The following DIXDC1 variants were observed in gnomAD, a reference collection of about 807,000 sequenced individuals.
DIXDC1 encodes dixin.
DIXDC1 carries 64 observed loss-of-function variants against 103.1 expected under a neutral mutation model. The observed-to-expected ratio is 0.62, with a 90% CI of 0.51 to 0.76. The LOEUF (loss-of-function observed/expected upper bound fraction) is 0.76, where lower values mean the gene tolerates loss of function less well. Among genes scored for constraint, DIXDC1 ranks in the 30% least tolerant of loss-of-function variants. The pLI is 0.00. For synonymous variants in DIXDC1, 266 were observed against 298.5 expected, an observed-to-expected ratio of 0.89 and a Z score of 1.12; for missense variants, 759 against 834.2, an observed-to-expected ratio of 0.91 and a Z score of 1.11.
chr11:111,932,880 C>T (rs1966076104), upstream of DIXDC1, among the ~76,000 whole-genome samples: 1 of 152,128 alleles, frequency 6.6e-6, no homozygotes, highest in African/African-American at 2.4e-5. Flanking sequence ...GTGTAACTGT[C>T]AGTTATTCAA....
At chr11:111,986,088 G>A (rs1860479757) in intron 8 of DIXDC1, among the ~76,000 whole-genome samples, 1 of 152,096 alleles carries the variant, frequency 6.6e-6, no homozygotes, top group African/African-American at 2.4e-5. Context: ...TGAAAATCAA[G>A]CCTCCATCCA....
chr11:112,011,093 A>C (rs775274628), intron 17 of DIXDC1, among the ~76,000 whole-genome samples: 27 of 152,230 alleles, frequency 1.8e-4, no homozygotes, highest in Non-Finnish European at 3.5e-4. Context: ...AAAGAACTTA[A>C]ACAAATTTAC....
chr11:111,998,636 A>G lies in DIXDC1; in HGVS notation c.1756+2490A>G, dbSNP rs1187944938. ...TCGACTCACTGCAAGCTCTGCCTCCAGGGTTCAAGTGATTCTCCTGCCTCA... is the reference window on the plus strand; with the variant it reads ...TCGACTCACTGCAAGCTCTGCCTCCGGGGTTCAAGTGATTCTCCTGCCTCA... On this transcript the variant is annotated intron_variant, in intron 17 of 19. Transcript: ENST00000440460. The surrounding 1 kb of genome is among the most constrained non-coding windows in gnomAD (Gnocchi z 4.1). Among the ~76,000 whole-genome samples the G allele has an allele frequency of 6.6e-6, 1 of 151,956 alleles. No individual in the cohort carries two copies. Among genetic ancestry groups the G allele is most frequent in the Non-Finnish European group, 1.5e-5 (1 of 67,986 alleles).
chr11:111,995,432 T>A lies in DIXDC1; in HGVS notation c.1557T>A (p.Ala519=). 1.2e-6 allele frequency: 2 copies of A among 1,613,326 alleles called. No individual in the cohort carries two copies. The highest frequency in any genetic ancestry group is 1.3e-5 in the African/African-American group (1 of 75,028). The change falls in exon 16 of 20, where the codon GCT becomes GCA. Residue 519 remains alanine (A), a synonymous_variant. Coordinates refer to ENST00000440460, the MANE Select transcript of DIXDC1 (RefSeq NM_001037954.4). The stretch of plus-strand genomic sequence containing the variant: ...GCGACCTGCAGCTTGTTCGAGATGC[T>A]CTCCGCAGCCTGCGCAACAGCTTCA... The part of the protein sequence containing the change: ...GTSDLQLVRD[A]LRSLRNSFSG...
intron 5 of DIXDC1, 111 bp from the exon 6 acceptor site, chr11:111,980,626 A>C: frequency 1.4e-6 from 1 of 740,614 alleles, no homozygotes; most frequent in Non-Finnish European, 2.2e-6. Flanking sequence ...TTACCCATGG[A>C]GGAGTAAGAT....
chr11:111,938,520 T>C (rs1555168489), intron 1 of DIXDC1, among the ~76,000 whole-genome samples: 1 of 152,214 alleles, frequency 6.6e-6, no homozygotes, highest in Non-Finnish European at 1.5e-5. Flanking sequence ...TTACTCAACA[T>C]ATGAATACAT....
At chr11:111,963,989 A>C (rs782331870) in intron 1 of DIXDC1, among the ~76,000 whole-genome samples, 1 of 152,238 alleles carries the variant, frequency 6.6e-6, no homozygotes, top group African/African-American at 2.4e-5. Flanking sequence ...GCTCAGGAGA[A>C]TAAATCTTGG....
chr11:111,933,470 C>A (rs376384798), upstream of DIXDC1, among the ~76,000 whole-genome samples: 89 of 152,210 alleles, frequency 5.8e-4, 1 homozygote, highest in African/African-American at 2.1e-3. Context: ...CTCACTCTTG[C>A]CCAGGCTGAA....
chr11:111,982,546 A>G (rs1860347572), intron 7 of DIXDC1, 59 bp downstream of exon 7: 1 of 1,551,958 alleles, frequency 6.4e-7, no homozygotes, highest in African/African-American at 1.4e-5. Flanking sequence ...AGTCAGTATT[A>G]TCAATGGAAA....
At chr11:112,011,703 A>C (rs587760847) in intron 17 of DIXDC1, among the ~76,000 whole-genome samples, 8 of 152,148 alleles carry the variant, frequency 5.3e-5, no homozygotes, top group Non-Finnish European at 1.0e-4. Context: ...TATCACAAGG[A>C]CCAAAAACCA....
rs1861647333 is a variant in DIXDC1, at chr11:112,017,945, C to G, written c.1971+60C>G. On this transcript the variant is annotated intron_variant, in intron 19 of 19. Coordinates refer to ENST00000440460, the MANE Select transcript of DIXDC1 (RefSeq NM_001037954.4). This position sits in a 1 kb window ranked among gnomAD's most constrained non-coding sequence, Gnocchi z 4.0. ...TGGTCCTTTCTGAACCCTGAAGCCT[C>G]CTGTTCAAGCACTAGTGTCCAGAAG... 1 of 1,361,238 alleles carries G rather than the reference C, an allele frequency of 7.3e-7. No individual in the cohort carries two copies. Among genetic ancestry groups the G allele is most frequent in the East Asian group, 2.5e-5 (1 of 39,480 alleles). The allele number at this position is 1,361,238 out of a possible 1,614,324, so 84.3% of individuals were successfully genotyped here. A position where few individuals can be genotyped will look rare whatever the true frequency, so the allele number is the denominator to read the frequency against.
chr11:111,993,711 G>T lies in DIXDC1; in HGVS notation c.1408G>T (p.Ala470Ser), dbSNP rs1309471109. 1.2e-6 allele frequency: 2 copies of T among 1,613,986 alleles called. No individual in the cohort carries two copies. Among genetic ancestry groups the T allele is most frequent in the Non-Finnish European group, 1.7e-6 (2 of 1,179,878 alleles). Residue 470 changes from alanine (A) to serine (S), a missense_variant, in exon 14 of 20, where the codon GCT becomes TCT. Ala to Ser is a moderately conservative substitution (Grantham distance 99, BLOSUM62 1). Coordinates refer to ENST00000440460, the MANE Select transcript of DIXDC1 (RefSeq NM_001037954.4). ...GCTAGAACACAAAGATGTCCTCTTG[G>T]CTCACTGTATGAAAAGAGAGGCAGA... The part of the protein sequence containing the change: ...RELEHKDVLL[A>S]HCMKREADEA...
At chr11:111,990,860 C>T (rs1159414339) in intron 10 of DIXDC1, among the ~76,000 whole-genome samples, 2 of 152,088 alleles carry the variant, frequency 1.3e-5, no homozygotes, top group African/African-American at 4.8e-5. Context: ...GCGTGTGCCA[C>T]CATGCCCAGC....
rs1389522195 is a variant in DIXDC1, at chr11:111,980,864, C to A, written c.769+15C>A. 3 of 1,604,372 alleles carry A rather than the reference C, an allele frequency of 1.9e-6. No homozygotes were observed. The highest frequency in any genetic ancestry group is 2.6e-6 in the Non-Finnish European group (3 of 1,171,796). On this transcript the variant is annotated intron_variant, in intron 6 of 19. Coordinates refer to ENST00000440460, the MANE Select transcript of DIXDC1 (RefSeq NM_001037954.4). ...GAACAGAACAGGTACTATCTCTACG[C>A]CTGCCTGGGCTGGTTCAAGGAACAG...
chr11:112,019,163 A>C lies in DIXDC1; in HGVS notation c.*127A>C. Reference sequence around the variant, plus strand: ...TGTGTGCCAAAACAGAAGCTTCTCCAAGCATGATGGCCACAGGTCAGTCCT... The same window carrying C: ...TGTGTGCCAAAACAGAAGCTTCTCCCAGCATGATGGCCACAGGTCAGTCCT... On this transcript the variant is annotated 3_prime_UTR_variant, in exon 20 of 20. Transcript: ENST00000440460. 1.4e-6 allele frequency: 1 copy of C among 714,838 alleles called. No individual in the cohort carries two copies. 44.3% of individuals were successfully genotyped at this position (714,838 alleles called of 1,614,324 possible). A position where few individuals can be genotyped will look rare whatever the true frequency, so the allele number is the denominator to read the frequency against.
intron 12 of DIXDC1, 68 bp downstream of exon 12, chr11:111,993,072 C>A: frequency 1.4e-6 from 2 of 1,479,166 alleles, no homozygotes; most frequent in South Asian, 1.3e-5. Flanking sequence ...TATTGTTGCT[C>A]AAAAAGCACT....
upstream of DIXDC1, chr11:111,937,130 G>GGA: frequency 3.0e-6 from 2 of 677,344 alleles, no homozygotes; most frequent in East Asian, 1.4e-4. Context: ...TGCGGCCCGG[G>GGA]CGGGGGGGGG....
At chr11:111,961,095 C>A (rs587760798) in intron 1 of DIXDC1, among the ~76,000 whole-genome samples, 1 of 152,316 alleles carries the variant, frequency 6.6e-6, no homozygotes, top group South Asian at 2.1e-4. Context: ...GATATAGGCT[C>A]TGATTCAGTA....
chr11:112,003,370 C>T (rs587610042), intron 17 of DIXDC1, among the ~76,000 whole-genome samples: 52 of 152,126 alleles, frequency 3.4e-4, no homozygotes, highest in African/African-American at 1.2e-3. Context: ...TAGCTTGAAC[C>T]CAGGAGGCAG....
Sources: allele counts gnomAD v4.1 joint callset (sites outside exome capture counted in the v4.1 genomes callset), GRCh38; gene constraint gnomAD v4.1.1; non-coding constraint Gnocchi (gnomAD v3.1); transcripts MANE v1.5; gene names NCBI Gene and HGNC (gene_info 2026-07-23, HGNC 2026-07-21).